The following LEFTY2 variants were observed in gnomAD, a reference collection of about 807,000 sequenced individuals.
The protein encoded by LEFTY2 is left-right determination factor 2, also known as TGF-beta-4.
Under a neutral mutation model 26.4 loss-of-function variants are expected in LEFTY2, and 10 were observed. That is an observed-to-expected ratio of 0.38 (90% CI 0.23 to 0.64). The LOEUF is 0.64. Among genes scored for constraint, LEFTY2 ranks in the 30% least tolerant of loss-of-function variants. The probability of loss-of-function intolerance (pLI) is 0.56; values close to 1 mark genes in which losing one functional copy is unlikely to be tolerated. For synonymous variants in LEFTY2, 204 were observed against 234.1 expected (o/e 0.87, Z 1.17); for missense variants, 407 against 502.1 (o/e 0.81, Z 1.81).
At chr1:225,938,866 CTTTTTTT>C (rs34986398) in intron 3 of LEFTY2, among the ~76,000 whole-genome samples, 1 of 113,084 alleles carries the variant, frequency 8.8e-6, no homozygotes. Flanking sequence ...TCTTTGTTTC[CTTTTTTT>C]TTTTTTTTTT....
chr1:225,940,934 G>C lies in LEFTY2; in HGVS notation c.207C>G (p.His69Gln). 8 of 1,613,638 alleles carry C rather than the reference G, an allele frequency of 5.0e-6. No homozygotes were observed. The South Asian group carries it at 8.8e-5, about 18-fold the overall frequency. Residue 69 changes from histidine to glutamine, a missense_variant, in exon 1 of 4, where the codon CAC (histidine) becomes CAG (glutamine). Physicochemically the swap from His to Gln is conservative, Grantham distance 24. Transcript: ENST00000366820. Reference protein sequence around the residue: ...AQYVVLLRRSHGDRSRGKRFS... With the variant: ...AQYVVLLRRSQGDRSRGKRFS... ...ACCTCTTTCCGCGGGAGCGGTCCCC[G>C]TGGCTGCGCCGCAGCAGGACTACAT...
At position 225,937,590 on chromosome 1, in the gene LEFTY2, C is replaced by T. The variant is rs373198678; in HGVS notation, c.952G>A (p.Ala318Thr). 4.3e-5 allele frequency: 70 copies of T among 1,613,980 alleles called. No individual in the cohort carries two copies. The highest frequency in any genetic ancestry group is 1.7e-4 in the Middle Eastern group (1 of 6,008). ...ATGGGCAGCGAGGCAGTCTCCGAGG[C>T]GATACACTGTCGCGGCCCCAGAAAT... ...WPFLGPRQCI[A>T]SETASLPMIV... The change falls in exon 4 of 4, where the codon GCC becomes ACC. Residue 318 changes from alanine (A) to threonine (T), a missense_variant. Ala to Thr is a moderately conservative substitution (Grantham distance 58). Transcript: ENST00000366820.
Position 225,937,290 on chromosome 1 carries a change from G to A in LEFTY2, c.*151C>T. The A allele has an allele frequency of 7.8e-7, 1 of 1,278,312 alleles. No individual in the cohort carries two copies. Among genetic ancestry groups the A allele is most frequent in the Non-Finnish European group, 1.1e-6 (1 of 901,690 alleles). The allele number at this position is 1,278,312 out of a possible 1,614,324, so 79.2% of individuals were successfully genotyped here. A position where few individuals can be genotyped will look rare whatever the true frequency, so the allele number is the denominator to read the frequency against. On this transcript the variant is annotated 3_prime_UTR_variant, in exon 4 of 4. Coordinates refer to ENST00000366820, the MANE Select transcript of LEFTY2 (RefSeq NM_003240.5). ...AGTGCTTAGGATGGGTGATGGACGG[G>A]AAAGACAGGAAATGGAAGGACACAG...
In LEFTY2 at chr1:225,940,918, C is replaced by T. The variant is rs762606282; in HGVS notation, c.223G>A (p.Gly75Arg). The T allele has an allele frequency of 2.2e-5, 35 of 1,613,420 alleles. No homozygotes were observed. The highest frequency in any genetic ancestry group is 2.7e-5 in the African/African-American group (2 of 74,892). The change falls in exon 1 of 4, where the codon GGA (glycine) becomes AGA (arginine). Residue 75 changes from glycine to arginine, a missense_variant. Coordinates refer to ENST00000366820, the MANE Select transcript of LEFTY2 (RefSeq NM_003240.5). ...CGGAAGCTCTGGCTGAACCTCTTTCCGCGGGAGCGGTCCCCGTGGCTGCGC... is the reference window on the plus strand; with the variant it reads ...CGGAAGCTCTGGCTGAACCTCTTTCTGCGGGAGCGGTCCCCGTGGCTGCGC... ...LRRSHGDRSR[G>R]KRFSQSFREV... is the part of the protein sequence containing the mutation.
chr1:225,941,149 C>T lies in LEFTY2; in HGVS notation c.-9G>A, dbSNP rs1161541720. 1 of 1,537,056 alleles carries T rather than the reference C, an allele frequency of 6.5e-7. No homozygotes were observed. The highest frequency in any genetic ancestry group is 8.7e-7 in the Non-Finnish European group (1 of 1,146,800). On this transcript the variant is annotated 5_prime_UTR_variant, in exon 1 of 4. Transcript: ENST00000366820. ...AGCCACAGGGGCCACATGGTGCTGC[C>T]CTGGGGGAGCAGGAGGCAGAGTGGG...
chr1:225,941,072 G>A lies in LEFTY2; in HGVS notation c.69C>T (p.Thr23=), dbSNP rs750632817. ...LPLAGPGAAL[T]EEQLLGSLLR... ...GCAGGCTGCCCAGGAGCTGCTCCTC[G>A]GTCAGGGCCGCCCCGGGGCCAGCCA... The change falls in exon 1 of 4, where the codon ACC becomes ACT. Residue 23 remains threonine, a synonymous_variant. Coordinates refer to ENST00000366820, the MANE Select transcript of LEFTY2 (RefSeq NM_003240.5). 1.5e-5 allele frequency: 24 copies of A among 1,604,676 alleles called. No individual in the cohort carries two copies. Among genetic ancestry groups the A allele is most frequent in the Admixed American group, 8.4e-5 (5 of 59,334 alleles).
rs1309820387 is a variant in LEFTY2 at position 225,939,061 on chromosome 1, G to A, written c.737+300C>T. Among the ~76,000 whole-genome samples the A allele has an allele frequency of 1.3e-5, 2 of 151,282 alleles. No homozygotes were observed. The highest frequency in any genetic ancestry group is 2.1e-4 in the South Asian group (1 of 4,790). On this transcript the variant is annotated intron_variant, in intron 3 of 3. Coordinates refer to ENST00000366820, the MANE Select transcript of LEFTY2 (RefSeq NM_003240.5). The surrounding 1 kb of genome is among the most constrained non-coding windows in gnomAD (Gnocchi z 4.1). The stretch of plus-strand genomic sequence containing the variant: ...TAATTTTTGTATTTTTGGTAGACAC[G>A]GGGTTTCATCATGTTGGTCAGGCTG...
At chr1:225,940,111 A>G in intron 1 of LEFTY2, 109 bp from the exon 2 acceptor site, 2 of 1,534,180 alleles carry the variant, frequency 1.3e-6, no homozygotes, top group South Asian at 1.1e-5. Flanking sequence ...GCCCTGTTCT[A>G]TCTCTGGGGC....
In LEFTY2 at chr1:225,937,377, A is replaced by T. The variant is rs1378472233; in HGVS notation, c.*64T>A. On this transcript the variant is annotated 3_prime_UTR_variant, in exon 4 of 4. Transcript: ENST00000366820. The stretch of plus-strand genomic sequence containing the variant: ...GTAACTTGCTAAGTATAAAGTTAAG[A>T]CCTACATTAAGACCACCTCTATGCA... 6.8e-6 allele frequency: 11 copies of T among 1,610,586 alleles called. No individual in the cohort carries two copies. The highest frequency in any genetic ancestry group is 9.3e-6 in the Non-Finnish European group (11 of 1,179,742).
chr1:225,938,619 C>T (rs1195777353), intron 3 of LEFTY2, among the ~76,000 whole-genome samples: 1 of 151,896 alleles, frequency 6.6e-6, no homozygotes, highest in Non-Finnish European at 1.5e-5. Flanking sequence ...TCCCAAAGTG[C>T]TGGGATTACA....
chr1:225,941,048 C>G lies in LEFTY2; in HGVS notation c.93G>C (p.Leu31=). The change falls in exon 1 of 4, where the codon CTG becomes CTC. Residue 31 remains leucine (L), a synonymous_variant. Transcript: ENST00000366820. ...CCTCGCTGAGCTGCAGCTGCCGCAG[C>G]AGGCTGCCCAGGAGCTGCTCCTCGG... is the stretch of plus-strand genomic sequence containing the variant. ...ALTEEQLLGS[L]LRQLQLSEVP... The G allele has an allele frequency of 6.2e-7, 1 of 1,611,842 alleles. No individual in the cohort carries two copies. The highest frequency in any genetic ancestry group is 8.5e-7 in the Non-Finnish European group (1 of 1,179,400).
Position 225,941,165 on chromosome 1 carries a change from G to T in LEFTY2, c.-25C>A. 6.6e-7 allele frequency: 1 copy of T among 1,520,680 alleles called. No homozygotes were observed. 94.2% of individuals were successfully genotyped at this position (1,520,680 alleles called of 1,614,324 possible). ...TGGTGCTGCCCTGGGGGAGCAGGAG[G>T]CAGAGTGGGGCTGTCCTCTAGGGAG... On this transcript the variant is annotated 5_prime_UTR_variant, in exon 1 of 4. Coordinates refer to ENST00000366820, the MANE Select transcript of LEFTY2 (RefSeq NM_003240.5).
rs1476504552 is a variant in LEFTY2, at chr1:225,939,642, G to A, written c.498-42C>T. The A allele has an allele frequency of 1.2e-6, 2 of 1,612,152 alleles. No individual in the cohort carries two copies. Among genetic ancestry groups the A allele is most frequent in the South Asian group, 1.1e-5 (1 of 91,088 alleles). The stretch of plus-strand genomic sequence containing the variant: ...ACGACACGGAGACCCAGCGCCGCTT[G>A]AGGGCGGGGACTGGGACGGGCCCCG... On this transcript the variant is annotated intron_variant, in intron 2 of 3. Coordinates refer to ENST00000366820, the MANE Select transcript of LEFTY2 (RefSeq NM_003240.5). This position sits in a 1 kb window ranked among gnomAD's most constrained non-coding sequence, Gnocchi z 4.1.
Position 225,939,413 on chromosome 1 carries a change from C to G in LEFTY2, c.685G>C (p.Gly229Arg). The G allele has an allele frequency of 6.2e-7, 1 of 1,612,748 alleles. No individual in the cohort carries two copies. Among genetic ancestry groups the G allele is most frequent in the Middle Eastern group, 1.7e-4 (1 of 5,934 alleles). ...AGCTCCAGCTGGGGCTCCCCAAGCC[C>G]GGCTGGCGCCCCCTGCGAGGCAAAG... ...VRFASQGAPA[G>R]LGEPQLELHT... The change falls in exon 3 of 4, where the codon GGG becomes CGG. Residue 229 changes from glycine to arginine, a missense_variant. Coordinates refer to ENST00000366820, the MANE Select transcript of LEFTY2 (RefSeq NM_003240.5). The surrounding 1 kb of genome is among the most constrained non-coding windows in gnomAD (Gnocchi z 4.1).
At position 225,939,973 on chromosome 1, in the gene LEFTY2, C is replaced by G; in HGVS notation, c.280G>C (p.Ala94Pro). Residue 94 changes from alanine to proline, a missense_variant, in exon 2 of 4, where the codon GCC becomes CCC. By Grantham distance (27) the Ala-to-Pro change is conservative. Transcript: ENST00000366820. This position sits in a 1 kb window ranked among gnomAD's most constrained non-coding sequence, Gnocchi z 4.1. ...EVAGRFLASE[A>P]STHLLVFGME... is the part of the protein sequence containing the mutation. ...CCGAACACCAGCAGGTGTGTGCTGG[C>G]CTCCGACGCCAGGAACCTGCCGGCC... The G allele has an allele frequency of 1.3e-6, 2 of 1,595,532 alleles. No homozygotes were observed.
rs1318237412 is a variant in LEFTY2, at chr1:225,939,707, G to A, written c.497+49C>T. ...CCCCCTGCGTCCCCGCCCCCAAGCC[G>A]GGCCGAGCAGCCTCCTACTCCTGCC... On this transcript the variant is annotated intron_variant, in intron 2 of 3. Transcript: ENST00000366820. This position sits in a 1 kb window ranked among gnomAD's most constrained non-coding sequence, Gnocchi z 4.1. 1.9e-6 allele frequency: 3 copies of A among 1,607,124 alleles called. No individual in the cohort carries two copies. Among genetic ancestry groups the A allele is most frequent in the Non-Finnish European group, 2.5e-6 (3 of 1,177,932 alleles).
At chr1:225,940,766 C>T (rs1247898480) in intron 1 of LEFTY2, 125 bp downstream of exon 1, 10 of 1,440,922 alleles carry the variant, frequency 6.9e-6, no homozygotes, top group East Asian at 4.6e-5. Context: ...CTCCTTGGAC[C>T]GTGGCCCTCA....
chr1:225,937,501 C>T lies in LEFTY2; in HGVS notation c.1041G>A (p.Arg347=). 3.1e-6 allele frequency: 5 copies of T among 1,614,054 alleles called. No individual in the cohort carries two copies. Among genetic ancestry groups the T allele is most frequent in the Non-Finnish European group, 4.2e-6 (5 of 1,180,030 alleles). The change falls in exon 4 of 4, where the codon AGG becomes AGA. Residue 347 remains arginine (R), a synonymous_variant. Coordinates refer to ENST00000366820, the MANE Select transcript of LEFTY2 (RefSeq NM_003240.5). ...CCGAGGCACAGCTGCACTTCTGCAC[C>T]CTCATGTTGGGCAGGCTGACCACCT... ...RPQVVSLPNM[R]VQKCSCASDG... is the part of the protein sequence containing the mutation.
chr1:225,937,677 G>C lies in LEFTY2; in HGVS notation c.865C>G (p.Leu289Val). Residue 289 changes from leucine to valine, a missense_variant, in exon 4 of 4, where the codon CTG becomes GTG. Coordinates refer to ENST00000366820, the MANE Select transcript of LEFTY2 (RefSeq NM_003240.5). The part of the protein sequence containing the change: ...KNWVLEPPGF[L>V]AYECVGTCQQ... ...CAGGTGCCCACACACTCGTAAGCCAGGAAGCCCGGGGGCTCCAGCACCCAG... is the reference window on the plus strand; with the variant it reads ...CAGGTGCCCACACACTCGTAAGCCACGAAGCCCGGGGGCTCCAGCACCCAG... 1 of 1,614,004 alleles carries C rather than the reference G, an allele frequency of 6.2e-7. No homozygotes were observed. Among genetic ancestry groups the C allele is most frequent in the Non-Finnish European group, 8.5e-7 (1 of 1,179,908 alleles).
Sources: gnomAD v4.1 joint callset for allele counts (sites outside exome capture counted in the v4.1 genomes callset) on GRCh38, gnomAD v4.1.1 for gene constraint, Gnocchi (gnomAD v3.1) non-coding constraint, MANE v1.5 for transcripts, NCBI Gene and HGNC (gene_info 2026-07-23, HGNC 2026-07-21) for gene names.